KCND3: variants seen among roughly 807,000 people sequenced by gnomAD.
KCND3 encodes A-type voltage-gated potassium channel KCND3.
In KCND3, 9 loss-of-function variants were observed where a neutral mutation model predicts 51.1. That is an observed-to-expected ratio of 0.18 (90% CI 0.11 to 0.31). The LOEUF is 0.31. KCND3 is among the 10% of genes least tolerant of loss of function. The probability of loss-of-function intolerance (pLI) is 1.00; values close to 1 mark genes in which losing one functional copy is unlikely to be tolerated. For synonymous variants in KCND3, 349 were observed against 368.0 expected (o/e 0.95, Z 0.59); for missense variants, 526 against 903.8 (o/e 0.58, Z 5.36).
At position 111,853,172 on chromosome 1, in the gene KCND3, G is replaced by T. The variant is rs191485483; in HGVS notation, c.1107-66066C>A. ...GCTGTGCAGACAGGGTGAGCCCATT[G>T]TGCTTGGTGGACTTGGAAATGGAAC... On this transcript the variant is annotated intron_variant, in intron 2 of 7. Transcript: ENST00000302127. Among the ~76,000 whole-genome samples, 4 of 152,340 alleles carry T rather than the reference G, an allele frequency of 2.6e-5. No individual in the cohort carries two copies. The East Asian group carries it at 7.7e-4, about 29-fold the overall frequency.
intron 2 of KCND3, among the ~76,000 whole-genome samples, chr1:111,797,515 T>A (rs960577807): frequency 2.0e-5 from 3 of 152,228 alleles, no homozygotes; most frequent in Non-Finnish European, 4.4e-5. Context: ...AGGTATGTCC[T>A]CTGCCCTCAA....
At chr1:111,860,843 C>T (rs1043770977) in intron 2 of KCND3, among the ~76,000 whole-genome samples, 1 of 152,178 alleles carries the variant, frequency 6.6e-6, no homozygotes, top group African/African-American at 2.4e-5. Context: ...TTCTTCCATC[C>T]AGAGAGAAAA....
Position 111,982,730 on chromosome 1 carries a change from G to A in KCND3, c.-4C>T, listed in dbSNP as rs764021707. On this transcript the variant is annotated 5_prime_UTR_variant, in exon 2 of 8. Coordinates refer to ENST00000302127, the MANE Select transcript of KCND3 (RefSeq NM_001378969.1). The surrounding 1 kb of genome is among the most constrained non-coding windows in gnomAD (Gnocchi z 8.5). The stretch of plus-strand genomic sequence containing the variant: ...AGGCCGCAACTCCGGCCGCCATGGT[G>A]ACTCCAGCTCTTGGGCCGGCAGCCG... 1.7e-5 allele frequency: 27 copies of A among 1,601,698 alleles called. No homozygotes were observed. Among genetic ancestry groups the A allele is most frequent in the Non-Finnish European group, 2.5e-6 (3 of 1,178,994 alleles).
chr1:111,812,656 G>A (rs1452581125), intron 2 of KCND3, among the ~76,000 whole-genome samples: 1 of 152,114 alleles, frequency 6.6e-6, no homozygotes, highest in African/African-American at 2.4e-5. Flanking sequence ...ATGAAACTAG[G>A]CCTCATTTGC....
At chr1:111,908,710 A>C (rs1309130796) in intron 2 of KCND3, among the ~76,000 whole-genome samples, 2 of 152,030 alleles carry the variant, frequency 1.3e-5, no homozygotes, top group Non-Finnish European at 2.9e-5. Context: ...TATTTCCTTG[A>C]CTTAATTCAA....
intron 3 of KCND3, among the ~76,000 whole-genome samples, chr1:111,785,515 G>A (rs745653796): frequency 1.3e-5 from 2 of 152,092 alleles, no homozygotes; most frequent in Admixed American, 1.3e-4. Flanking sequence ...TAACAGACCA[G>A]GTCAGGATAA....
At chr1:111,908,014 T>C (rs2995807) in intron 2 of KCND3, among the ~76,000 whole-genome samples, 131,695 of 152,238 alleles carry the variant, frequency 0.87, 57,014 homozygotes, top group East Asian at 0.96. Flanking sequence ...TCCTAGGGAC[T>C]AAGGACTATT....
chr1:111,838,095 A>C (rs142812038), intron 2 of KCND3, among the ~76,000 whole-genome samples: 119 of 152,128 alleles, frequency 7.8e-4, no homozygotes, highest in African/African-American at 2.8e-3. Context: ...TTAAAGTTAC[A>C]CTACACCCCT....
intron 2 of KCND3, among the ~76,000 whole-genome samples, chr1:111,979,119 T>C (rs774564374): frequency 2.4e-4 from 37 of 152,212 alleles, no homozygotes; most frequent in Non-Finnish European, 1.2e-4. Context: ...TTGTTCATTG[T>C]CAGATGTGGG....
chr1:111,874,530 G>C (rs34658635), intron 2 of KCND3, among the ~76,000 whole-genome samples: 4,094 of 152,248 alleles, frequency 0.027, 89 homozygotes, highest in East Asian at 0.1. Context: ...TTGGTGACAG[G>C]AGAAAGAACT....
At chr1:111,823,185 G>T (rs1666424675) in intron 2 of KCND3, among the ~76,000 whole-genome samples, 1 of 152,240 alleles carries the variant, frequency 6.6e-6, no homozygotes, top group Non-Finnish European at 1.5e-5. Context: ...GCAGGGCAGG[G>T]TGTGGGGTGG....
intron 2 of KCND3, among the ~76,000 whole-genome samples, chr1:111,902,547 T>C (rs1006231583): frequency 2.6e-5 from 4 of 152,136 alleles, no homozygotes; most frequent in African/African-American, 9.7e-5. Flanking sequence ...TTCTTTGTAA[T>C]GGGAGGGGTT....
intron 2 of KCND3, among the ~76,000 whole-genome samples, chr1:111,935,547 T>G (rs1672180871): frequency 6.6e-6 from 1 of 152,204 alleles, no homozygotes; most frequent in African/African-American, 2.4e-5. Flanking sequence ...GGTGATACAC[T>G]TGGCAATGAT....
At chr1:111,778,299 G>C (rs2101461499) in intron 6 of KCND3, 137 bp downstream of exon 6, 2 of 837,710 alleles carry the variant, frequency 2.4e-6, no homozygotes, top group East Asian at 4.8e-5. Flanking sequence ...TGCTGGGTGT[G>C]ACAGCAGAGG....
At chr1:111,834,126 C>T (rs1358051402) in intron 2 of KCND3, among the ~76,000 whole-genome samples, 1 of 152,172 alleles carries the variant, frequency 6.6e-6, no homozygotes, top group Non-Finnish European at 1.5e-5. Context: ...AGGATTTGAC[C>T]AGTGAAGGGG....
intron 2 of KCND3, among the ~76,000 whole-genome samples, chr1:111,834,975 A>G (rs1667005715): frequency 1.3e-5 from 2 of 152,180 alleles, no homozygotes; most frequent in South Asian, 4.1e-4. Context: ...GTTCAGACCA[A>G]CTTGGAAGAA....
chr1:111,977,333 C>G (rs1035739390), intron 2 of KCND3, among the ~76,000 whole-genome samples: 2 of 152,204 alleles, frequency 1.3e-5, no homozygotes, highest in African/African-American at 4.8e-5. Context: ...TATTGATCTC[C>G]CAGGCTTAGT....
Position 111,812,110 on chromosome 1 carries a change from G to A in KCND3, c.1107-25004C>T, listed in dbSNP as rs1389058011. Among the ~76,000 whole-genome samples, 6 of 152,272 alleles carry A rather than the reference G, an allele frequency of 3.9e-5. No individual in the cohort carries two copies. The South Asian group carries it at 8.3e-4, about 21-fold the overall frequency. ...GGAGGGGTGATGCTTGTGGGGTGTC[G>A]GGCACGGTGCCTGGTAGATGCTCAG... On this transcript the variant is annotated intron_variant, in intron 2 of 7. Coordinates refer to ENST00000302127, the MANE Select transcript of KCND3 (RefSeq NM_001378969.1).
At chr1:111,968,145 C>T (rs540060054) in intron 2 of KCND3, among the ~76,000 whole-genome samples, 6 of 152,188 alleles carry the variant, frequency 3.9e-5, no homozygotes, top group African/African-American at 1.4e-4. Flanking sequence ...TAAGCCCTGC[C>T]CAAACTCTGA....
Sources: allele counts gnomAD v4.1 joint callset (sites outside exome capture counted in the v4.1 genomes callset), GRCh38; gene constraint gnomAD v4.1.1; non-coding constraint Gnocchi (gnomAD v3.1); transcripts MANE v1.5; gene names NCBI Gene and HGNC (gene_info 2026-07-23, HGNC 2026-07-21).